Variants in LPP observed in about 807,000 individuals in gnomAD.
LPP encodes lipoma-preferred partner.
Under a neutral mutation model 60.4 loss-of-function variants are expected in LPP, and 38 were observed. The ratio of observed to expected loss-of-function variants is 0.63; its 90% CI spans 0.49 to 0.83. The LOEUF is 0.83. Among genes scored for constraint, LPP ranks in the 40% least tolerant of loss-of-function variants. The probability of loss-of-function intolerance (pLI) is 0.00; values close to 1 mark genes in which losing one functional copy is unlikely to be tolerated. For synonymous variants in LPP, 328 were observed against 290.8 expected (o/e 1.13, Z -1.30); for missense variants, 902 against 783.6 (o/e 1.15, Z -1.80).
chr3:188,817,818 A>G (rs557280537), intron 9 of LPP, among the ~76,000 whole-genome samples: 3 of 152,366 alleles, frequency 2.0e-5, no homozygotes, highest in African/African-American at 7.2e-5. Flanking sequence ...CTACAGGGCA[A>G]GGAAATGTCT....
chr3:188,536,002 A>ATTTTTT (rs11293389), intron 6 of LPP, among the ~76,000 whole-genome samples: 44 of 121,740 alleles, frequency 3.6e-4, no homozygotes, highest in Admixed American at 5.1e-4. Context: ...TATTACATGA[A>ATTTTTT]TTTTTTTTTT....
chr3:188,157,175 T>A (rs1340695044), intron 1 of LPP, among the ~76,000 whole-genome samples: 1 of 152,092 alleles, frequency 6.6e-6, no homozygotes, highest in Non-Finnish European at 1.5e-5. Context: ...TACAGTGCTT[T>A]GCACTTTATA....
chr3:188,487,881 G>C (rs1291693968), intron 5 of LPP, among the ~76,000 whole-genome samples: 1 of 152,164 alleles, frequency 6.6e-6, no homozygotes, highest in Non-Finnish European at 1.5e-5. Flanking sequence ...TCAGGTCAGA[G>C]CCAAAAGAAC....
At chr3:188,785,439 A>T (rs191497889) in intron 9 of LPP, among the ~76,000 whole-genome samples, 41 of 23,902 alleles carry the variant, frequency 1.7e-3, no homozygotes, top group African/African-American at 8.0e-3. Flanking sequence ...ATATTCCATC[A>T]TATATATATA....
chr3:188,884,932 T>C lies in LPP; in HGVS notation c.*10453T>C, dbSNP rs1432476377. 4.6e-6 allele frequency: 1 copy of C among 219,710 alleles called. No homozygotes were observed. Among genetic ancestry groups the C allele is most frequent in the Non-Finnish European group, 9.1e-6 (1 of 109,510 alleles). The allele number at this position is 219,710 out of a possible 1,614,324, so 13.6% of individuals were successfully genotyped here. On this transcript the variant is annotated 3_prime_UTR_variant, in exon 12 of 12. Transcript: ENST00000617246. Reference sequence around the variant, plus strand: ...CTGAGATTTGGCCTTTGCCATTTGATAGACTTTGCTTCCCAGGATGCTGTC... The same window carrying C: ...CTGAGATTTGGCCTTTGCCATTTGACAGACTTTGCTTCCCAGGATGCTGTC...
rs567138361 is a variant in LPP at position 188,630,992 on chromosome 3, AG to A, written c.1113+21152del. ...ACACTGAATACACATGGTCACCAAG[AG>A]GGGAACAATAGACACTAGGACATAC... On this transcript the variant is annotated intron_variant, in intron 7 of 11. Transcript: ENST00000617246. Among the ~76,000 whole-genome samples the A allele has an allele frequency of 8.5e-5, 13 of 152,228 alleles. No individual in the cohort carries two copies. In the East Asian group the frequency reaches 2.5e-3, roughly 29 times the overall value.
At chr3:188,768,502 C>T (rs372787427) in intron 9 of LPP, among the ~76,000 whole-genome samples, 2 of 152,184 alleles carry the variant, frequency 1.3e-5, no homozygotes, top group Non-Finnish European at 2.9e-5. Flanking sequence ...ATTGATATAT[C>T]AAAATTTTAG....
intron 7 of LPP, among the ~76,000 whole-genome samples, chr3:188,661,795 T>C (rs1280813381): frequency 6.6e-6 from 1 of 152,236 alleles, no homozygotes; most frequent in Non-Finnish European, 1.5e-5. Flanking sequence ...ATCTATAGCA[T>C]GTCTTCAAAT....
At chr3:188,460,526 G>A (rs1357680470) in intron 4 of LPP, among the ~76,000 whole-genome samples, 1 of 152,106 alleles carries the variant, frequency 6.6e-6, no homozygotes, top group Admixed American at 6.6e-5. Context: ...AATCTTTTGC[G>A]GCCATTATCA....
chr3:188,253,073 CTT>C (rs113892337), intron 2 of LPP, among the ~76,000 whole-genome samples: 34 of 136,486 alleles, frequency 2.5e-4, no homozygotes, highest in Admixed American at 4.4e-4. Context: ...GTGCTCAGTC[CTT>C]TTTTTTTTTT....
chr3:188,515,067 A>G (rs1816947863), intron 5 of LPP, among the ~76,000 whole-genome samples: 1 of 152,178 alleles, frequency 6.6e-6, no homozygotes, highest in Non-Finnish European at 1.5e-5. Context: ...CAAGCGTAGC[A>G]TTTATGTTCT....
chr3:188,864,833 T>A lies in LPP; in HGVS notation c.1411-1367T>A, dbSNP rs576293957. Among the ~76,000 whole-genome samples the A allele has an allele frequency of 5.4e-4, 82 of 152,350 alleles. 1 individual carries two copies. The highest frequency in any genetic ancestry group is 1.9e-3 in the African/African-American group (80 of 41,582). ...AAGATTTTATTATCCAGAAAGGTAC[T>A]TGTATTTGATCACATCTGTGTTTGG... On this transcript the variant is annotated intron_variant, in intron 9 of 11. Coordinates refer to ENST00000617246, the MANE Select transcript of LPP (RefSeq NM_001375462.1).
At chr3:188,730,486 G>A (rs529646430) in intron 8 of LPP, among the ~76,000 whole-genome samples, 17 of 152,338 alleles carry the variant, frequency 1.1e-4, no homozygotes, top group African/African-American at 4.1e-4. Flanking sequence ...TCACTTGTAA[G>A]TGGAGAAACA....
chr3:188,853,256 G>A (rs1763087950), intron 9 of LPP, among the ~76,000 whole-genome samples: 1 of 152,196 alleles, frequency 6.6e-6, no homozygotes, highest in South Asian at 2.1e-4. Flanking sequence ...TCTTAGTGGT[G>A]GACTGTTAGT....
Position 188,609,729 on chromosome 3 carries a change from C to T in LPP, c.998C>T (p.Thr333Ile), listed in dbSNP as rs369623619. 1.9e-6 allele frequency: 3 copies of T among 1,614,178 alleles called. No individual in the cohort carries two copies. The highest frequency in any genetic ancestry group is 1.1e-5 in the South Asian group (1 of 91,088). ...PNTWKREPGY[T>I]PPGAGNQNPP... ...ACCTGGAAACGGGAACCAGGGTACA[C>T]TCCTCCTGGAGCAGGGAACCAGAAC... The change falls in exon 7 of 12, where the codon ACT (threonine) becomes ATT (isoleucine). Residue 333 changes from threonine (T) to isoleucine (I), a missense_variant. By Grantham distance (89) the Thr-to-Ile change is moderately conservative (BLOSUM62 -1). Coordinates refer to ENST00000617246, the MANE Select transcript of LPP (RefSeq NM_001375462.1). This position sits in a 1 kb window ranked among gnomAD's most constrained non-coding sequence, Gnocchi z 6.9.
In LPP at chr3:188,162,809, AG is replaced by A. The variant is rs58740676; in HGVS notation, c.-190+8558del. ...GTGCCCAGCGGGGCATCTGGCACAC[AG>A]TGATGACACCTTACTGTGCTTGTGG... is the stretch of plus-strand genomic sequence containing the variant. On this transcript the variant is annotated intron_variant, in intron 1 of 11. Transcript: ENST00000617246. 6.6e-3 allele frequency among the ~76,000 whole-genome samples: 1,007 copies of A among 152,266 alleles called. 14 individuals are homozygous for A. Among genetic ancestry groups the A allele is most frequent in the African/African-American group, 0.023 (961 of 41,538 alleles).
intron 6 of LPP, chr3:188,562,109 C>T (rs1430396283): frequency 6.6e-6 from 1 of 151,876 alleles, no homozygotes; most frequent in African/African-American, 2.4e-5. Context: ...ACACTCATCC[C>T]TTTTCAGGGT....
intron 7 of LPP, among the ~76,000 whole-genome samples, chr3:188,690,551 C>G (rs1462703359): frequency 6.6e-6 from 1 of 152,248 alleles, no homozygotes; most frequent in South Asian, 2.1e-4. Context: ...CCCTAATTTT[C>G]GTGTTCCCTT....
chr3:188,335,790 T>C (rs952086564), intron 2 of LPP, among the ~76,000 whole-genome samples: 3 of 152,194 alleles, frequency 2.0e-5, no homozygotes, highest in African/African-American at 4.8e-5. Flanking sequence ...ATTTTATTGC[T>C]TTTTCATATT....
Sources: gnomAD v4.1 joint callset for allele counts (sites outside exome capture counted in the v4.1 genomes callset) on GRCh38, gnomAD v4.1.1 for gene constraint, Gnocchi (gnomAD v3.1) non-coding constraint, MANE v1.5 for transcripts, NCBI Gene and HGNC (gene_info 2026-07-23, HGNC 2026-07-21) for gene names.